The following MNAT1 variants were observed in gnomAD, a reference collection of about 807,000 sequenced individuals.
MNAT1 encodes CDK-activating kinase assembly factor MAT1.
MNAT1 carries 43 observed loss-of-function variants against 42.0 expected under a neutral mutation model. The observed-to-expected ratio is 1.02, with a 90% confidence interval of 0.80 to 1.32. The LOEUF (loss-of-function observed/expected upper bound fraction) is 1.32, where lower values mean the gene tolerates loss of function less well. MNAT1 is among the 40% of genes most tolerant of loss of function. MNAT1 has a pLI of 0.00. For synonymous variants in MNAT1, 118 were observed against 120.0 expected, an observed-to-expected ratio of 0.98 and a Z score of 0.11; for missense variants, 306 against 350.4, an observed-to-expected ratio of 0.87 and a Z score of 1.01.
Position 60,764,177 on chromosome 14 carries a change from A to G in MNAT1, c.89+29226A>G, listed in dbSNP as rs530095298. Reference sequence around the variant, plus strand: ...TTATGTAATATTTGTTAGTGGTATGATATATCTGTTAAACTACTTATATAT... The same window carrying G: ...TTATGTAATATTTGTTAGTGGTATGGTATATCTGTTAAACTACTTATATAT... On this transcript the variant is annotated intron_variant, in intron 1 of 7. Coordinates refer to ENST00000261245, the MANE Select transcript of MNAT1 (RefSeq NM_002431.4). Among the ~76,000 whole-genome samples, 69 of 152,332 alleles carry G rather than the reference A, an allele frequency of 4.5e-4. No individual in the cohort carries two copies. In the South Asian group the frequency reaches 0.014, roughly 31 times the overall value.
chr14:60,908,892 C>T (rs1268059418), intron 7 of MNAT1, among the ~76,000 whole-genome samples: 6 of 152,298 alleles, frequency 3.9e-5, no homozygotes, highest in South Asian at 2.1e-4. Flanking sequence ...CCTGAGGAAT[C>T]GCCATACCGA....
chr14:60,921,780 G>A (rs59229360), intron 7 of MNAT1, among the ~76,000 whole-genome samples: 129 of 152,232 alleles, frequency 8.5e-4, no homozygotes, highest in Middle Eastern at 3.4e-3. Flanking sequence ...GGTTTTAAAT[G>A]TAAAAACATA....
At chr14:60,796,143 A>G in intron 1 of MNAT1, 74 bp from the exon 2 acceptor site, 2 of 1,371,470 alleles carry the variant, frequency 1.5e-6, no homozygotes, top group South Asian at 1.6e-5. Flanking sequence ...CTTATCCCAT[A>G]GGGGCAAACT....
At chr14:60,891,623 T>C (rs1485749003) in intron 7 of MNAT1, among the ~76,000 whole-genome samples, 1 of 152,132 alleles carries the variant, frequency 6.6e-6, no homozygotes, top group East Asian at 1.9e-4. Context: ...GGCTAATTTT[T>C]TGTAGTTTTA....
At chr14:60,917,678 A>G (rs527826235) in intron 7 of MNAT1, among the ~76,000 whole-genome samples, 9 of 148,398 alleles carry the variant, frequency 6.1e-5, no homozygotes, top group South Asian at 2.1e-4. Flanking sequence ...GCTGGAGTGG[A>G]GTGGCGTGAT....
intron 7 of MNAT1, among the ~76,000 whole-genome samples, chr14:60,911,058 T>C (rs1419958784): frequency 1.3e-5 from 2 of 152,058 alleles, no homozygotes; most frequent in African/African-American, 2.4e-5. Flanking sequence ...CTTGGGAGGG[T>C]GTGTGTGTCG....
chr14:60,798,097 A>C lies in MNAT1; in HGVS notation c.253A>C (p.Arg85=). 7.0e-7 allele frequency: 1 copy of C among 1,426,248 alleles called. No individual in the cohort carries two copies. Among genetic ancestry groups the C allele is most frequent in the Non-Finnish European group, 9.8e-7 (1 of 1,016,990 alleles). 88.3% of individuals were successfully genotyped at this position (1,426,248 alleles called of 1,614,324 possible). A position where few individuals can be genotyped will look rare whatever the true frequency, so the allele number is the denominator to read the frequency against. The change falls in exon 3 of 8, where the codon AGG becomes CGG. Residue 85 remains arginine (R), a synonymous_variant. Transcript: ENST00000261245. ...RKKVLKIYNK[R]EEDFPSLREY... is the part of the protein sequence containing the mutation. The stretch of plus-strand genomic sequence containing the variant: ...TTTCTTTTCTTAAAGATACAATAAA[A>C]GGGAAGAAGATTTTCCTAGTCTAAG...
chr14:60,846,105 C>T (rs2033675357), intron 6 of MNAT1, among the ~76,000 whole-genome samples: 1 of 151,550 alleles, frequency 6.6e-6, no homozygotes, highest in South Asian at 2.1e-4. Context: ...TTTTTCCTTC[C>T]TCTCTTTTCC....
intron 7 of MNAT1, among the ~76,000 whole-genome samples, chr14:60,886,502 G>A (rs1342320432): frequency 1.3e-5 from 2 of 151,524 alleles, no homozygotes; most frequent in Non-Finnish European, 2.9e-5. Flanking sequence ...CTTTTGATTA[G>A]CCTTTGAAAA....
intron 7 of MNAT1, among the ~76,000 whole-genome samples, chr14:60,955,694 C>T (rs1274348571): frequency 6.6e-6 from 1 of 152,018 alleles, no homozygotes; most frequent in East Asian, 1.9e-4. Context: ...ATTCAATCTC[C>T]TTACTTTCTA....
intron 7 of MNAT1, among the ~76,000 whole-genome samples, chr14:60,933,857 T>C (rs771732641): frequency 2.0e-5 from 3 of 152,154 alleles, no homozygotes; most frequent in Admixed American, 6.6e-5. Context: ...GCACATTGTC[T>C]GGAAGATTTA....
intron 6 of MNAT1, among the ~76,000 whole-genome samples, chr14:60,875,249 C>T (rs1377987739): frequency 1.3e-5 from 2 of 151,934 alleles, no homozygotes; most frequent in Non-Finnish European, 2.9e-5. Flanking sequence ...ATTGAACAAC[C>T]ATGATTATAT....
At chr14:60,847,857 C>T (rs1037066761) in intron 6 of MNAT1, among the ~76,000 whole-genome samples, 1 of 152,230 alleles carries the variant, frequency 6.6e-6, no homozygotes. Flanking sequence ...TCCTTTTCCT[C>T]TCCTGGAGAG....
At chr14:60,779,419 A>G (rs149817968) in intron 1 of MNAT1, among the ~76,000 whole-genome samples, 1 of 152,334 alleles carries the variant, frequency 6.6e-6, no homozygotes, top group East Asian at 1.9e-4. Flanking sequence ...CAGGAAATCA[A>G]CTACAGCATT....
intron 7 of MNAT1, among the ~76,000 whole-genome samples, chr14:60,882,858 G>A (rs780495983): frequency 6.6e-6 from 1 of 152,002 alleles, no homozygotes; most frequent in Non-Finnish European, 1.5e-5. Context: ...TTTTACATAT[G>A]ACTGTTTGCC....
intron 6 of MNAT1, among the ~76,000 whole-genome samples, chr14:60,855,378 G>A (rs924182137): frequency 6.6e-6 from 1 of 152,136 alleles, no homozygotes; most frequent in Admixed American, 6.5e-5. Flanking sequence ...ACCTCCTGCA[G>A]CTAGGTTGGT....
intron 1 of MNAT1, among the ~76,000 whole-genome samples, chr14:60,788,431 A>G (rs1272076111): frequency 1.3e-5 from 2 of 152,184 alleles, no homozygotes; most frequent in Non-Finnish European, 2.9e-5. Flanking sequence ...AAAATGACAA[A>G]TGAACATTGG....
At chr14:60,819,824 A>G (rs1369954273) in intron 6 of MNAT1, among the ~76,000 whole-genome samples, 1 of 152,006 alleles carries the variant, frequency 6.6e-6, no homozygotes, top group African/African-American at 2.4e-5. Context: ...TTTTTTTCCC[A>G]TCTGTGGAAC....
chr14:60,897,539 TA>T (rs1225131824), intron 7 of MNAT1, among the ~76,000 whole-genome samples: 2 of 152,294 alleles, frequency 1.3e-5, no homozygotes, highest in African/African-American at 4.8e-5. Flanking sequence ...TGTGTATTCT[TA>T]AATTTTCCTT....
Sources: gnomAD v4.1 joint callset for allele counts (sites outside exome capture counted in the v4.1 genomes callset) on GRCh38, gnomAD v4.1.1 for gene constraint, MANE v1.5 for transcripts, NCBI Gene and HGNC (gene_info 2026-07-23, HGNC 2026-07-21) for gene names.